The following ZEB1 variants were observed in gnomAD, a reference collection of about 807,000 sequenced individuals.
ZEB1 encodes zinc finger E-box binding homeobox 1, also known as zinc finger E-box-binding homeobox 1.
In ZEB1, 21 loss-of-function variants were observed where a neutral mutation model predicts 84.9. The ratio of observed to expected loss-of-function variants is 0.25; its 90% CI spans 0.18 to 0.36. The LOEUF is 0.36. Among genes scored for constraint, ZEB1 ranks in the 10% least tolerant of loss-of-function variants. The pLI is 1.00. For missense variants in ZEB1, 1,104 were observed against 1,330.2 expected (o/e 0.83, Z 2.65); for synonymous variants, 420 against 471.1 (o/e 0.89, Z 1.41).
chr10:31,355,517 A>G (rs2041974392), intron 1 of ZEB1, among the ~76,000 whole-genome samples: 1 of 152,176 alleles, frequency 6.6e-6, no homozygotes, highest in Non-Finnish European at 1.5e-5. Flanking sequence ...AGAAATTGTA[A>G]GATGATAGGA....
rs1454837750 is a variant in ZEB1, at chr10:31,524,028, A to G, written c.2700A>G (p.Thr900=). 3 of 1,614,074 alleles carry G rather than the reference A, an allele frequency of 1.9e-6. No individual in the cohort carries two copies. The highest frequency in any genetic ancestry group is 2.5e-6 in the Non-Finnish European group (3 of 1,179,956). Residue 900 remains threonine (T), a synonymous_variant, in exon 8 of 9, where the codon ACA becomes ACG. Coordinates refer to ENST00000424869, the MANE Select transcript of ZEB1 (RefSeq NM_001174096.2). The stretch of plus-strand genomic sequence containing the variant: ...CGCCCAAAAAGAAAATGCGGAAGAC[A>G]GAAAATGGAATGTATGCTTGTGATT... ...STPPKKKMRK[T]ENGMYACDLC...
chr10:31,453,108 A>C (rs2137125392), intron 1 of ZEB1, among the ~76,000 whole-genome samples: 1 of 152,276 alleles, frequency 6.6e-6, no homozygotes, highest in South Asian at 2.1e-4. Context: ...TAACATGCAA[A>C]TGAGTGCATG....
At chr10:31,469,642 G>T (rs942078859) in intron 2 of ZEB1, among the ~76,000 whole-genome samples, 2 of 151,450 alleles carry the variant, frequency 1.3e-5, no homozygotes, top group African/African-American at 4.8e-5. Context: ...GGGGAGGGGC[G>T]CCCGCCATTG....
At chr10:31,470,260 A>G (rs1186399109) in intron 2 of ZEB1, among the ~76,000 whole-genome samples, 6 of 151,582 alleles carry the variant, frequency 4.0e-5, no homozygotes, top group African/African-American at 1.2e-4. Context: ...CGATCAAATT[A>G]CTCTGAGCTA....
chr10:31,482,755 A>G (rs2065209630), intron 2 of ZEB1, among the ~76,000 whole-genome samples: 1 of 152,036 alleles, frequency 6.6e-6, no homozygotes, highest in Admixed American at 6.6e-5. Flanking sequence ...GTATTACCTG[A>G]AAAAAGTTGG....
At chr10:31,448,672 G>A (rs924588222) in intron 1 of ZEB1, among the ~76,000 whole-genome samples, 2 of 152,008 alleles carry the variant, frequency 1.3e-5, no homozygotes, top group South Asian at 2.1e-4. Context: ...ATACCCTGCC[G>A]TGTGAGGTGT....
chr10:31,521,002 C>T lies in ZEB1; in HGVS notation c.1670C>T (p.Thr557Ile). The T allele has an allele frequency of 6.2e-7, 1 of 1,614,072 alleles. No individual in the cohort carries two copies. The highest frequency in any genetic ancestry group is 8.5e-7 in the Non-Finnish European group (1 of 1,179,996). Residue 557 changes from threonine to isoleucine, a missense_variant, in exon 7 of 9, where the codon ACT becomes ATT. Thr to Ile is a moderately conservative substitution (Grantham distance 89). Coordinates refer to ENST00000424869, the MANE Select transcript of ZEB1 (RefSeq NM_001174096.2). Reference protein sequence around the residue: ...ELKHYDLKQPTQPPPLPAAEA... With the variant: ...ELKHYDLKQPIQPPPLPAAEA... ...AAGCACTATGACCTAAAGCAGCCTA[C>T]TCAGCCTCCTCCACTCCCTGCAGCA...
At chr10:31,436,354 G>T (rs1230374718) in intron 1 of ZEB1, among the ~76,000 whole-genome samples, 1 of 152,178 alleles carries the variant, frequency 6.6e-6, no homozygotes, top group Non-Finnish European at 1.5e-5. Context: ...ACTTGTCAAT[G>T]AAGTCTTTAA....
chr10:31,444,005 T>C (rs2059415990), intron 1 of ZEB1, among the ~76,000 whole-genome samples: 2 of 150,156 alleles, frequency 1.3e-5, no homozygotes, highest in Admixed American at 6.6e-5. Context: ...TCCACAATGG[T>C]TGAACTAGTT....
chr10:31,338,908 G>A (rs1201084024), intron 1 of ZEB1, among the ~76,000 whole-genome samples: 2 of 151,970 alleles, frequency 1.3e-5, no homozygotes, highest in South Asian at 2.1e-4. Context: ...ATCATTTATG[G>A]GAGAGTGATA....
intron 1 of ZEB1, among the ~76,000 whole-genome samples, chr10:31,427,886 T>C (rs2057183032): frequency 6.7e-6 from 1 of 149,974 alleles, no homozygotes; most frequent in Non-Finnish European, 1.5e-5. Flanking sequence ...AATGAATCTC[T>C]AATGGTTGAT....
intron 1 of ZEB1, among the ~76,000 whole-genome samples, chr10:31,343,426 A>G (rs985930419): frequency 3.3e-5 from 5 of 152,238 alleles, no homozygotes; most frequent in African/African-American, 9.6e-5. Flanking sequence ...AATCCATTAT[A>G]GTATTGTATT....
At chr10:31,445,299 C>A (rs2059611970) in intron 1 of ZEB1, among the ~76,000 whole-genome samples, 1 of 149,372 alleles carries the variant, frequency 6.7e-6, no homozygotes, top group Non-Finnish European at 1.5e-5. Flanking sequence ...TGCTTATCAG[C>A]TTAAGGAGAT....
At chr10:31,410,393 G>A (rs185525332) in intron 1 of ZEB1, among the ~76,000 whole-genome samples, 21 of 152,184 alleles carry the variant, frequency 1.4e-4, no homozygotes, top group Admixed American at 3.9e-4. Flanking sequence ...ATACACTGCC[G>A]GATTCAGTTT....
At chr10:31,363,340 T>C (rs1160401527) in intron 1 of ZEB1, 11 of 1,533,866 alleles carry the variant, frequency 7.2e-6, no homozygotes, top group African/African-American at 1.4e-5. Context: ...GGCGACTCCA[T>C]GGCCCTTGGA....
In ZEB1 at chr10:31,396,999, T is replaced by C. The variant is rs1471710094; in HGVS notation, c.59-64038T>C. On this transcript the variant is annotated intron_variant, in intron 1 of 8. Coordinates refer to ENST00000424869, the MANE Select transcript of ZEB1 (RefSeq NM_001174096.2). ...CTCGAGCTCTCCTAACTTAAAACTT[T>C]TTTATTTTTTATTATTATTATTTTT... Among the ~76,000 whole-genome samples, 8 of 150,220 alleles carry C rather than the reference T, an allele frequency of 5.3e-5. No homozygotes were observed. In the East Asian group the frequency reaches 1.5e-3, roughly 29 times the overall value.
intron 1 of ZEB1, among the ~76,000 whole-genome samples, chr10:31,441,227 G>C (rs1197407288): frequency 6.6e-6 from 1 of 152,174 alleles, no homozygotes; most frequent in Non-Finnish European, 1.5e-5. Flanking sequence ...CAATGGAACA[G>C]AACAGAGGCC....
intron 1 of ZEB1, chr10:31,321,422 A>G (rs1458701250): frequency 1.2e-6 from 2 of 1,611,122 alleles, no homozygotes; most frequent in African/African-American, 2.7e-5. Flanking sequence ...GACTTGTTAT[A>G]GCAAGGAGTG....
At chr10:31,320,098 C>A (rs1158444469) in intron 1 of ZEB1, 1 of 151,616 alleles carries the variant, frequency 6.6e-6, no homozygotes, top group African/African-American at 2.4e-5. Context: ...CCTGGCGCCT[C>A]CCGCTGCCCG....
Sources: gnomAD v4.1 joint callset for allele counts (sites outside exome capture counted in the v4.1 genomes callset) on GRCh38, gnomAD v4.1.1 for gene constraint, MANE v1.5 for transcripts, NCBI Gene and HGNC (gene_info 2026-07-23, HGNC 2026-07-21) for gene names.